WDR45B: variants seen among roughly 807,000 people sequenced by gnomAD.
WDR45B encodes WD repeat domain 45B, also known as WD repeat domain phosphoinositide-interacting protein 3.
In WDR45B, 20 loss-of-function variants were observed where a neutral mutation model predicts 44.6. That is an observed-to-expected ratio of 0.45 (90% CI 0.32 to 0.65). The LOEUF is 0.65. Among genes scored for constraint, WDR45B ranks in the 30% least tolerant of loss-of-function variants. WDR45B has a pLI of 0.05. For missense variants in WDR45B, 323 were observed against 430.2 expected (o/e 0.75, Z 2.20); for synonymous variants, 169 against 164.9 (o/e 1.02, Z -0.19).
At chr17:82,642,060 G>C (rs1005968521) in intron 2 of WDR45B, among the ~76,000 whole-genome samples, 1 of 152,146 alleles carries the variant, frequency 6.6e-6, no homozygotes. Flanking sequence ...GGTGGCAGCC[G>C]AGGGAGGGCT....
intron 2 of WDR45B, among the ~76,000 whole-genome samples, chr17:82,635,396 A>G (rs1168217916): frequency 1.3e-5 from 2 of 151,210 alleles, no homozygotes; most frequent in African/African-American, 4.9e-5. Context: ...TAAAGTTATT[A>G]ATGCTTGATT....
intron 1 of WDR45B, 22 bp downstream of exon 1, chr17:82,648,252 C>T (rs763508568): frequency 8.1e-6 from 13 of 1,599,586 alleles, no homozygotes; most frequent in Admixed American, 1.7e-5. Context: ...CCGGGCAAGG[C>T]GACAGGGCCG....
chr17:82,642,595 C>A (rs1004749224), intron 2 of WDR45B, among the ~76,000 whole-genome samples: 1 of 152,222 alleles, frequency 6.6e-6, no homozygotes, highest in Non-Finnish European at 1.5e-5. Context: ...GAGGCCCAGA[C>A]TCATGCATGG....
In WDR45B at chr17:82,617,330, C is replaced by T. The variant is rs1229299745; in HGVS notation, c.772G>A (p.Ala258Thr). 1 of 1,613,814 alleles carries T rather than the reference C, an allele frequency of 6.2e-7. No individual in the cohort carries two copies. Among genetic ancestry groups the T allele is most frequent in the South Asian group, 1.1e-5 (1 of 91,054 alleles). The change falls in exon 8 of 10, where the codon GCA (alanine) becomes ACA (threonine). Residue 258 changes from alanine (A) to threonine (T), a missense_variant. By Grantham distance (58) the Ala-to-Thr change is moderately conservative. Transcript: ENST00000392325. ...SSDHGTVHIF[A>T]AEDPKRNKQS... The stretch of plus-strand genomic sequence containing the variant: ...TTATTCCTTTTTGGATCTTCAGCTG[C>T]AAAAATATGCACTGTGCCGTGGTCG...
chr17:82,631,118 A>C (rs1194203521), intron 2 of WDR45B, 96 bp from the exon 3 acceptor site: 2 of 1,241,322 alleles, frequency 1.6e-6, no homozygotes, highest in African/African-American at 3.0e-5. Context: ...TAACGCAGCA[A>C]TTTTCTATTT....
At chr17:82,626,528 T>A (rs1244797164) in intron 4 of WDR45B, among the ~76,000 whole-genome samples, 1 of 57,662 alleles carries the variant, frequency 1.7e-5, no homozygotes. Flanking sequence ...CAAGACTCTA[T>A]CTCCCAAAAA....
rs562186058 is a variant in WDR45B at position 82,626,533 on chromosome 17, C to CAAAAAAAAAAAAA, written c.332+658_332+670dup. On this transcript the variant is annotated intron_variant, in intron 4 of 9. Coordinates refer to ENST00000392325, the MANE Select transcript of WDR45B (RefSeq NM_019613.4). Reference sequence around the variant, plus strand: ...GGCAACAGAGCAAGACTCTATCTCCCAAAAAAAAAAAAAAAAAAAAAAAAA... The same window carrying CAAAAAAAAAAAAA: ...GGCAACAGAGCAAGACTCTATCTCCCAAAAAAAAAAAAAAAAAAAAAAAAAAAAAAAAAAAAAA... 1.9e-3 allele frequency among the ~76,000 whole-genome samples: 153 copies of CAAAAAAAAAAAAA among 79,448 alleles called. 15 individuals are homozygous for CAAAAAAAAAAAAA. The highest frequency in any genetic ancestry group is 0.011 in the African/African-American group (147 of 13,670). The allele number at this position is 79,448 out of a possible 152,430, so 52.1% of individuals were successfully genotyped here. A position where few individuals can be genotyped will look rare whatever the true frequency, so the allele number is the denominator to read the frequency against.
At chr17:82,629,731 T>C in intron 3 of WDR45B, 1 of 985,532 alleles carries the variant, frequency 1.0e-6, no homozygotes, top group Non-Finnish European at 1.2e-6. Context: ...GGGGCTCTGC[T>C]GAGAACTGTG....
At chr17:82,633,121 C>T (rs1276256151) in intron 2 of WDR45B, among the ~76,000 whole-genome samples, 1 of 148,212 alleles carries the variant, frequency 6.7e-6, no homozygotes, top group East Asian at 2.0e-4. Flanking sequence ...AAGGATTGCA[C>T]CACTGCACTC....
At chr17:82,636,433 G>C (rs956447455) in intron 2 of WDR45B, 6 of 151,878 alleles carry the variant, frequency 4.0e-5, no homozygotes, top group Admixed American at 3.9e-4. Flanking sequence ...AGTAATCAAA[G>C]GTAAGAGCCA....
rs1567999807 is a variant in WDR45B, at chr17:82,616,491, G to A, written c.928+33C>T. 3.1e-6 allele frequency: 5 copies of A among 1,612,658 alleles called. No individual in the cohort carries two copies. The Admixed American group carries it at 5.0e-5, about 16-fold the overall frequency. On this transcript the variant is annotated intron_variant, in intron 9 of 9. Coordinates refer to ENST00000392325, the MANE Select transcript of WDR45B (RefSeq NM_019613.4). ...AGTGGATGGAGCCCAGGTGGGGCGG[G>A]TGGGGACGTTCTCTCCAGGAAGGAC...
At chr17:82,621,970 C>T (rs1327720922) in intron 5 of WDR45B, among the ~76,000 whole-genome samples, 171 bp from the exon 6 acceptor site, 2 of 152,066 alleles carry the variant, frequency 1.3e-5, no homozygotes, top group Admixed American at 1.3e-4. Flanking sequence ...TATGAGAGGG[C>T]TAAGCAAAGC....
At chr17:82,626,830 T>C (rs1395007600) in intron 4 of WDR45B, 1 of 302,642 alleles carries the variant, frequency 3.3e-6, no homozygotes, top group Non-Finnish European at 6.4e-6. Flanking sequence ...AAACCTTTAT[T>C]GAGAGGCAGC....
At chr17:82,626,473 C>T (rs976322424) in intron 4 of WDR45B, among the ~76,000 whole-genome samples, 16 of 132,840 alleles carry the variant, frequency 1.2e-4, no homozygotes, top group Admixed American at 1.7e-4. Flanking sequence ...GCAGAGGTTA[C>T]AGTGAACTGA....
intron 7 of WDR45B, among the ~76,000 whole-genome samples, chr17:82,618,164 A>G (rs1335007916): frequency 1.3e-5 from 2 of 152,194 alleles, no homozygotes; most frequent in Non-Finnish European, 2.9e-5. Flanking sequence ...TCCTGACCTC[A>G]GGTGATCCAC....
At chr17:82,626,945 C>G (rs2045706124) in intron 4 of WDR45B, 1 of 538,154 alleles carries the variant, frequency 1.9e-6, no homozygotes, top group Non-Finnish European at 3.4e-6. Context: ...ACGGTGAGAC[C>G]CACTGGCTGG....
chr17:82,618,264 G>A (rs2045566174), intron 7 of WDR45B, among the ~76,000 whole-genome samples: 1 of 152,210 alleles, frequency 6.6e-6, no homozygotes, highest in Non-Finnish European at 1.5e-5. Context: ...AGACCCAAAT[G>A]CTGCTCAATA....
intron 9 of WDR45B, 52 bp downstream of exon 9, chr17:82,616,472 T>C: frequency 1.9e-6 from 3 of 1,611,944 alleles, no homozygotes; most frequent in Non-Finnish European, 2.5e-6. Context: ...GCTCAGTGGA[T>C]GGAGCCCAGG....
chr17:82,648,235 G>A, intron 1 of WDR45B, 39 bp downstream of exon 1: 1 of 1,588,848 alleles, frequency 6.3e-7, no homozygotes, highest in East Asian at 2.3e-5. Context: ...GCTGCGGGAA[G>A]GCCCGGCCGG....
Sources: gnomAD v4.1 joint callset for allele counts (sites outside exome capture counted in the v4.1 genomes callset) on GRCh38, gnomAD v4.1.1 for gene constraint, MANE v1.5 for transcripts, NCBI Gene and HGNC (gene_info 2026-07-23, HGNC 2026-07-21) for gene names.